The following GPC5 variants were observed in gnomAD, a reference collection of about 807,000 sequenced individuals.
GPC5 encodes the protein glypican-5.
A neutral mutation model predicts 53.9 loss-of-function variants in GPC5; 47 were observed. That is an observed-to-expected ratio of 0.87 (90% CI 0.69 to 1.11). The LOEUF is 1.11. Among genes scored for constraint, GPC5 ranks in the 50% most tolerant of loss-of-function variants. GPC5 has a pLI of 0.00. For missense variants in GPC5, 748 were observed against 713.1 expected (o/e 1.05, Z -0.56); for synonymous variants, 286 against 263.3 (o/e 1.09, Z -0.84).
intron 7 of GPC5, among the ~76,000 whole-genome samples, chr13:92,425,816 G>A (rs905315242): frequency 1.5e-4 from 23 of 151,928 alleles, no homozygotes; most frequent in African/African-American, 5.6e-4. Context: ...ATATATTTTA[G>A]CTATTTTGTA....
At chr13:92,748,468 A>G (rs1391814881) in intron 7 of GPC5, among the ~76,000 whole-genome samples, 1 of 151,584 alleles carries the variant, frequency 6.6e-6, no homozygotes, top group Non-Finnish European at 1.5e-5. Context: ...AGTAGCTGGT[A>G]TTACAGGCGC....
chr13:91,941,820 CA>C (rs2039929985), intron 6 of GPC5, among the ~76,000 whole-genome samples: 1 of 152,104 alleles, frequency 6.6e-6, no homozygotes, highest in Non-Finnish European at 1.5e-5. Flanking sequence ...ATGTGATTTG[CA>C]TACATGTTTC....
intron 7 of GPC5, among the ~76,000 whole-genome samples, chr13:92,580,802 C>T (rs1403818837): frequency 1.3e-5 from 2 of 152,116 alleles, no homozygotes; most frequent in Admixed American, 6.6e-5. Context: ...GAGAAATTCA[C>T]CTCCATGATC....
intron 7 of GPC5, among the ~76,000 whole-genome samples, chr13:92,656,930 A>G (rs532202293): frequency 6.6e-6 from 1 of 152,206 alleles, no homozygotes; most frequent in South Asian, 2.1e-4. Flanking sequence ...ATGCTCTCAC[A>G]CCGCACTCCA....
Position 91,756,322 on chromosome 13 carries a change from C to T in GPC5, c.1182C>T (p.Tyr394=), listed in dbSNP as rs752691145. 4.4e-6 allele frequency: 7 copies of T among 1,578,352 alleles called. No individual in the cohort carries two copies. The highest frequency in any genetic ancestry group is 1.7e-5 in the Admixed American group (1 of 58,854). Residue 394 remains tyrosine (Y), a synonymous_variant, in exon 5 of 8, where the codon TAC becomes TAT. Coordinates refer to ENST00000377067, the MANE Select transcript of GPC5 (RefSeq NM_004466.6). ...RKEFINSLRL[Y]RSFYGGLADQ... ...AATTTATCAACAGCCTTCGACTGTA[C>T]AGGTCATTCTATGGAGGTCTAGCTG...
chr13:91,801,185 CTCTT>C (rs1280541476), intron 5 of GPC5, among the ~76,000 whole-genome samples: 2 of 151,876 alleles, frequency 1.3e-5, no homozygotes, highest in African/African-American at 4.8e-5. Flanking sequence ...CATCATCACT[CTCTT>C]TATGGTTTTA....
intron 6 of GPC5, among the ~76,000 whole-genome samples, chr13:91,944,780 C>T (rs2039959805): frequency 6.6e-6 from 1 of 152,124 alleles, no homozygotes; most frequent in African/African-American, 2.4e-5. Flanking sequence ...AAACAGCGTT[C>T]CCTGCAATTA....
rs942086291 is a variant in GPC5 at position 91,977,361 on chromosome 13, G to C, written c.1401+69304G>C. ...TGTGCAACACTAAATATTCCTTAAT[G>C]TGGGGAAAAGGAAGAAAGCAATTTG... On this transcript the variant is annotated intron_variant, in intron 6 of 7. Transcript: ENST00000377067. Among the ~76,000 whole-genome samples the C allele has an allele frequency of 3.9e-5, 6 of 152,172 alleles. No individual in the cohort carries two copies. In the East Asian group the frequency reaches 1.2e-3, roughly 29 times the overall value.
intron 6 of GPC5, among the ~76,000 whole-genome samples, chr13:92,055,001 A>T (rs771013450): frequency 2.6e-5 from 4 of 152,208 alleles, no homozygotes; most frequent in Non-Finnish European, 5.9e-5. Flanking sequence ...TCACAATTTT[A>T]TGAATAGGAA....
chr13:92,764,003 G>T (rs887494722), intron 7 of GPC5, among the ~76,000 whole-genome samples: 1 of 152,172 alleles, frequency 6.6e-6, no homozygotes, highest in African/African-American at 2.4e-5. Context: ...CCTAGAGTCT[G>T]TTGTTTTGCC....
intron 5 of GPC5, among the ~76,000 whole-genome samples, chr13:91,816,604 T>C (rs2038403993): frequency 6.6e-6 from 1 of 152,214 alleles, no homozygotes; most frequent in Non-Finnish European, 1.5e-5. Context: ...CAATTTTTAT[T>C]TATAGTATGT....
At chr13:91,886,926 C>A (rs902946891) in intron 5 of GPC5, among the ~76,000 whole-genome samples, 67 of 152,186 alleles carry the variant, frequency 4.4e-4, no homozygotes, top group Middle Eastern at 6.8e-3. Flanking sequence ...GTTGGTGGAT[C>A]TACTGTTCTA....
intron 5 of GPC5, among the ~76,000 whole-genome samples, chr13:91,895,923 C>T (rs890350154): frequency 3.9e-5 from 6 of 152,046 alleles, no homozygotes; most frequent in Admixed American, 1.3e-4. Flanking sequence ...TAATCTATTT[C>T]TCACCTCTTT....
chr13:92,705,650 T>C (rs1304233266), intron 7 of GPC5, among the ~76,000 whole-genome samples: 1 of 152,162 alleles, frequency 6.6e-6, no homozygotes, highest in Non-Finnish European at 1.5e-5. Flanking sequence ...ATGTTGCTTT[T>C]CAAAAATTTA....
At chr13:91,460,459 G>A (rs1881862075) in intron 2 of GPC5, among the ~76,000 whole-genome samples, 4 of 151,724 alleles carry the variant, frequency 2.6e-5, no homozygotes, top group African/African-American at 7.3e-5. Context: ...CACCACACCC[G>A]GCTAATTTAT....
In GPC5 at chr13:92,187,788, A is replaced by T. The variant is rs1593975554; in HGVS notation, c.1561+42799A>T. On this transcript the variant is annotated intron_variant, in intron 7 of 7. Coordinates refer to ENST00000377067, the MANE Select transcript of GPC5 (RefSeq NM_004466.6). ...TGAACAGCTGTTGAGAATAAAAGGA[A>T]AATGCTTCATTTAGAATCTATTAAT... Among the ~76,000 whole-genome samples, 3 of 152,336 alleles carry T rather than the reference A, an allele frequency of 2.0e-5. No individual in the cohort carries two copies. The East Asian group carries it at 5.8e-4, about 29-fold the overall frequency.
At chr13:92,741,927 T>G (rs1889108524) in intron 7 of GPC5, among the ~76,000 whole-genome samples, 1 of 152,178 alleles carries the variant, frequency 6.6e-6, no homozygotes, top group African/African-American at 2.4e-5. Context: ...ATCCTTTTTA[T>G]GGCTGCATAG....
chr13:92,433,875 C>T (rs1877197398), intron 7 of GPC5, among the ~76,000 whole-genome samples: 1 of 152,042 alleles, frequency 6.6e-6, no homozygotes. Flanking sequence ...CCTCCAAAAA[C>T]AAGCTTTACA....
At chr13:92,630,664 AC>A (rs1393487267) in intron 7 of GPC5, among the ~76,000 whole-genome samples, 2 of 152,174 alleles carry the variant, frequency 1.3e-5, no homozygotes, top group Non-Finnish European at 2.9e-5. Context: ...CATGTTCTGC[AC>A]ATGTATCCTA....
Sources: gnomAD v4.1 joint callset for allele counts (sites outside exome capture counted in the v4.1 genomes callset) on GRCh38, gnomAD v4.1.1 for gene constraint, MANE v1.5 for transcripts, NCBI Gene and HGNC (gene_info 2026-07-23, HGNC 2026-07-21) for gene names.